The following ATF7IP variants were observed in gnomAD, a reference collection of about 807,000 sequenced individuals.
The protein encoded by ATF7IP is activating transcription factor 7 interacting protein.
A neutral mutation model predicts 106.4 loss-of-function variants in ATF7IP; 23 were observed. That is an observed-to-expected ratio of 0.22 (90% CI 0.16 to 0.31). The LOEUF is 0.31. Ranked by LOEUF, ATF7IP falls within the 10% of genes least tolerant of loss-of-function variation. The pLI, the probability that ATF7IP is intolerant of heterozygous loss-of-function variation, is 1.00. For missense variants in ATF7IP, 1,334 were observed against 1,524.3 expected (o/e 0.88, Z 2.08); for synonymous variants, 542 against 539.0 (o/e 1.01, Z -0.08).
intron 5 of ATF7IP, among the ~76,000 whole-genome samples, chr12:14,442,088 TC>T (rs956924152): frequency 2.6e-4 from 40 of 152,216 alleles, no homozygotes; most frequent in Non-Finnish European, 4.9e-4. Flanking sequence ...CTTTTTTGTT[TC>T]TACTTTCTCC....
intron 2 of ATF7IP, among the ~76,000 whole-genome samples, chr12:14,428,178 A>C (rs1344739413): frequency 3.3e-5 from 5 of 152,186 alleles, no homozygotes; most frequent in Non-Finnish European, 2.9e-5. Flanking sequence ...AAAAAAGCAA[A>C]TTGCAGCTTA....
At chr12:14,484,460 C>T (rs1476151649) in intron 13 of ATF7IP, among the ~76,000 whole-genome samples, 1 of 152,228 alleles carries the variant, frequency 6.6e-6, no homozygotes, top group Non-Finnish European at 1.5e-5. Flanking sequence ...AATCATGCAT[C>T]TGGCCATCTA....
chr12:14,475,983 A>G lies in ATF7IP; in HGVS notation c.2941+15A>G. 1 of 1,601,186 alleles carries G rather than the reference A, an allele frequency of 6.2e-7. No homozygotes were observed. The highest frequency in any genetic ancestry group is 8.6e-7 in the Non-Finnish European group (1 of 1,168,314). On this transcript the variant is annotated intron_variant, in intron 11 of 14. Transcript: ENST00000261168. ...AGCTTCACAAGGTACTTCAATAGTA[A>G]TTGTACTAAGCAACGTTTTGATACC...
chr12:14,400,243 A>T (rs1029581433), intron 1 of ATF7IP, among the ~76,000 whole-genome samples: 1 of 152,216 alleles, frequency 6.6e-6, no homozygotes, highest in Non-Finnish European at 1.5e-5. Flanking sequence ...TTAAAATATC[A>T]CTTGCATGCC....
At chr12:14,404,499 G>T (rs1940444540) in intron 1 of ATF7IP, among the ~76,000 whole-genome samples, 1 of 152,092 alleles carries the variant, frequency 6.6e-6, no homozygotes, top group South Asian at 2.1e-4. Flanking sequence ...AACCTGAAAG[G>T]TTCTTTAAGG....
intron 1 of ATF7IP, among the ~76,000 whole-genome samples, chr12:14,366,740 G>A (rs951830967): frequency 6.6e-6 from 1 of 152,074 alleles, no homozygotes; most frequent in Non-Finnish European, 1.5e-5. Context: ...TGATATGTAA[G>A]CTATAACATT....
intron 1 of ATF7IP, chr12:14,385,491 T>C: frequency 8.3e-7 from 1 of 1,204,038 alleles, no homozygotes; most frequent in Non-Finnish European, 1.1e-6. Context: ...GGGGTGAACT[T>C]AGAGCTTGGT....
intron 1 of ATF7IP, among the ~76,000 whole-genome samples, chr12:14,408,115 T>TGC (rs1020007031): frequency 2.2e-4 from 8 of 36,016 alleles, no homozygotes; most frequent in Admixed American, 3.9e-4. Flanking sequence ...GATATTGATG[T>TGC]GCACACACAC....
At chr12:14,420,608 G>A (rs572241856) in intron 1 of ATF7IP, among the ~76,000 whole-genome samples, 22 of 151,258 alleles carry the variant, frequency 1.5e-4, no homozygotes, top group Non-Finnish European at 2.8e-4. Flanking sequence ...CAGCCTGGGC[G>A]ACAGAGCGAG....
rs1591912509 is a variant in ATF7IP at position 14,460,387 on chromosome 12, A to C, written c.2159-108A>C. On this transcript the variant is annotated intron_variant, in intron 8 of 14. Coordinates refer to ENST00000261168, the MANE Select transcript of ATF7IP (RefSeq NM_018179.5). ...AAAATTTCATGATAAAAGACTTTAC[A>C]GTCTTTGCAATGTATTACGCAATGT... 4.6e-6 allele frequency: 5 copies of C among 1,097,926 alleles called. No homozygotes were observed. The East Asian group carries it at 1.2e-4, about 27-fold the overall frequency. 68.0% of individuals were successfully genotyped at this position (1,097,926 alleles called of 1,614,324 possible). A position where few individuals can be genotyped will look rare whatever the true frequency, so the allele number is the denominator to read the frequency against.
At chr12:14,382,449 G>A (rs1015293796) in intron 1 of ATF7IP, among the ~76,000 whole-genome samples, 10 of 152,112 alleles carry the variant, frequency 6.6e-5, no homozygotes, top group Non-Finnish European at 1.3e-4. Context: ...TTTGTTTCCT[G>A]TAGATTTTCT....
At chr12:14,420,262 C>T (rs1416066679) in intron 1 of ATF7IP, 2 of 152,078 alleles carry the variant, frequency 1.3e-5, no homozygotes, top group Non-Finnish European at 1.5e-5. Context: ...AGTGGGGGCA[C>T]TTCTATTCTT....
At chr12:14,463,878 G>T (rs1591920121) in intron 9 of ATF7IP, among the ~76,000 whole-genome samples, 1 of 152,146 alleles carries the variant, frequency 6.6e-6, no homozygotes, top group Non-Finnish European at 1.5e-5. Flanking sequence ...AGATGACTCA[G>T]CTTTCTAAGA....
chr12:14,367,665 A>G (rs1938363378), intron 1 of ATF7IP, among the ~76,000 whole-genome samples: 1 of 152,118 alleles, frequency 6.6e-6, no homozygotes, highest in African/African-American at 2.4e-5. Context: ...ATTTGAATAT[A>G]CAGATGATTG....
In ATF7IP at chr12:14,497,869, G is replaced by A. The variant is rs1339282139; in HGVS notation, c.3609G>A (p.Glu1203=). The A allele has an allele frequency of 6.2e-7, 1 of 1,614,122 alleles. No individual in the cohort carries two copies. Among genetic ancestry groups the A allele is most frequent in the Non-Finnish European group, 8.5e-7 (1 of 1,180,020 alleles). ...VDSYHLYAYH[E]EPSATVPSQW... ...GCTACCATCTCTATGCTTACCATGA[G>A]GAACCCAGTGCCACTGTGCCCTCAC... The change falls in exon 15 of 15, where the codon GAG becomes GAA. Residue 1203 remains glutamate (E), a synonymous_variant. Coordinates refer to ENST00000261168, the MANE Select transcript of ATF7IP (RefSeq NM_018179.5).
intron 6 of ATF7IP, among the ~76,000 whole-genome samples, chr12:14,449,058 CTT>C (rs142643809): frequency 0.045 from 6,836 of 152,140 alleles, 192 homozygotes; most frequent in Non-Finnish European, 0.063. Context: ...AATATTGACT[CTT>C]ATATAAATTA....
At chr12:14,401,461 T>TGCCTTG (rs1359318901) in intron 1 of ATF7IP, among the ~76,000 whole-genome samples, 1 of 152,230 alleles carries the variant, frequency 6.6e-6, no homozygotes, top group East Asian at 1.9e-4. Context: ...CCTCCCAAAC[T>TGCCTTG]GCTGGGATTA....
intron 10 of ATF7IP, among the ~76,000 whole-genome samples, chr12:14,471,189 A>C (rs1944028453): frequency 6.6e-6 from 1 of 152,230 alleles, no homozygotes; most frequent in East Asian, 1.9e-4. Flanking sequence ...TATGTGTTAT[A>C]AAGCCCCATC....
chr12:14,480,809 A>C (rs1456471741), intron 12 of ATF7IP, among the ~76,000 whole-genome samples, 194 bp from the exon 13 acceptor site: 2 of 152,076 alleles, frequency 1.3e-5, no homozygotes, highest in Admixed American at 6.6e-5. Context: ...TTTCCTCTGA[A>C]GCTTGGATTT....
Sources: gnomAD v4.1 joint callset for allele counts (sites outside exome capture counted in the v4.1 genomes callset) on GRCh38, gnomAD v4.1.1 for gene constraint, MANE v1.5 for transcripts, NCBI Gene and HGNC (gene_info 2026-07-23, HGNC 2026-07-21) for gene names.